SCHIP1: variants seen among roughly 807,000 people sequenced by gnomAD.
SCHIP1 encodes the protein schwannomin-interacting protein 1.
A neutral mutation model predicts 29.7 loss-of-function variants in SCHIP1; 8 were observed. That is an observed-to-expected ratio of 0.27 (90% CI 0.16 to 0.49). The LOEUF (loss-of-function observed/expected upper bound fraction) is 0.49. Among genes scored for constraint, SCHIP1 ranks in the 20% least tolerant of loss-of-function variants. SCHIP1 has a pLI of 0.99. For missense variants in SCHIP1, 193 were observed against 294.6 expected (o/e 0.66, Z 2.52); for synonymous variants, 76 against 94.9 (o/e 0.80, Z 1.16).
chr3:159,821,130 C>T, the SCHIP1 span, among the ~76,000 whole-genome samples: 10 of 152,192 alleles, frequency 6.6e-5, no homozygotes, highest in East Asian at 1.9e-4. Context: ...CAGAGGAGAA[C>T]GTTGTCTTAG....
chr3:159,762,928 T>C, the SCHIP1 span, among the ~76,000 whole-genome samples: 1 of 152,090 alleles, frequency 6.6e-6, no homozygotes, highest in Admixed American at 6.5e-5. Context: ...AAGGTCCCCT[T>C]GATTGGAGGT....
the SCHIP1 span, among the ~76,000 whole-genome samples, chr3:159,538,546 C>T: frequency 2.0e-5 from 3 of 152,082 alleles, no homozygotes; most frequent in Non-Finnish European, 4.4e-5. Context: ...TGCATAATAC[C>T]TTGCATTAGC....
chr3:159,392,490 T>TTCCTGC, the SCHIP1 span, among the ~76,000 whole-genome samples: 1 of 130,976 alleles, frequency 7.6e-6, no homozygotes. Context: ...GGCCCCAGAG[T>TTCCTGC]GTGTTCCCCT....
At chr3:159,335,389 T>G in the SCHIP1 span, among the ~76,000 whole-genome samples, 1 of 152,240 alleles carries the variant, frequency 6.6e-6, no homozygotes, top group East Asian at 1.9e-4. Flanking sequence ...ATGTGCACAA[T>G]GCACAGGTTA....
the SCHIP1 span, among the ~76,000 whole-genome samples, chr3:159,281,772 G>A: frequency 1.3e-5 from 2 of 151,908 alleles, no homozygotes; most frequent in Non-Finnish European, 2.9e-5. Flanking sequence ...TTATAGCAAT[G>A]CCTATTCATT....
chr3:159,415,295 TTTTG>T, the SCHIP1 span, among the ~76,000 whole-genome samples: 5 of 152,312 alleles, frequency 3.3e-5, no homozygotes, highest in South Asian at 2.1e-4. Flanking sequence ...TTGCTGGATA[TTTTG>T]TTTAACTTTT....
At chr3:159,569,276 TCATTTA>T in the SCHIP1 span, among the ~76,000 whole-genome samples, 1 of 152,176 alleles carries the variant, frequency 6.6e-6, no homozygotes, top group Non-Finnish European at 1.5e-5. Context: ...CATCAATTCA[TCATTTA>T]CATTAAGTAT....
At chr3:159,519,174 A>AT in the SCHIP1 span, among the ~76,000 whole-genome samples, 1 of 152,266 alleles carries the variant, frequency 6.6e-6, no homozygotes, top group East Asian at 1.9e-4. Flanking sequence ...TTAAAAAAAA[A>AT]TTTTAACATA....
At chr3:159,480,918 G>C in the SCHIP1 span, among the ~76,000 whole-genome samples, 1 of 152,110 alleles carries the variant, frequency 6.6e-6, no homozygotes, top group Non-Finnish European at 1.5e-5. Flanking sequence ...GATAGGGGTG[G>C]AGCTGTTTTA....
At chr3:159,871,359 T>TG (rs530337191) in intron 2 of SCHIP1, among the ~76,000 whole-genome samples, 57 of 8,558 alleles carry the variant, frequency 6.7e-3, no homozygotes, top group East Asian at 0.033. Context: ...ATTTGTTTGT[T>TG]GGGGGGGGTG....
the SCHIP1 span, among the ~76,000 whole-genome samples, chr3:159,787,154 C>T: frequency 6.6e-6 from 1 of 152,202 alleles, no homozygotes; most frequent in Non-Finnish European, 1.5e-5. Context: ...GTAACTTCCA[C>T]ATAGCTGGTA....
the SCHIP1 span, among the ~76,000 whole-genome samples, chr3:159,338,417 G>A: frequency 6.6e-6 from 1 of 152,150 alleles, no homozygotes; most frequent in Non-Finnish European, 1.5e-5. Flanking sequence ...GTGAAGAGCG[G>A]TAAAGTGCCA....
the SCHIP1 span, among the ~76,000 whole-genome samples, chr3:159,503,556 G>T: frequency 6.6e-6 from 1 of 152,124 alleles, no homozygotes; most frequent in African/African-American, 2.4e-5. Context: ...GATCTCCTTG[G>T]TCTCCTGGAC....
At chr3:159,570,218 C>CA in the SCHIP1 span, among the ~76,000 whole-genome samples, 1 of 152,150 alleles carries the variant, frequency 6.6e-6, no homozygotes, top group Admixed American at 6.6e-5. Context: ...AGTCCTTGCC[C>CA]ATGCCTATGT....
At chr3:159,360,155 C>G in the SCHIP1 span, among the ~76,000 whole-genome samples, 1 of 152,138 alleles carries the variant, frequency 6.6e-6, no homozygotes, top group Non-Finnish European at 1.5e-5. Flanking sequence ...TCATAAGGAG[C>G]CCAGGGACCA....
chr3:159,531,696 C>T, the SCHIP1 span, among the ~76,000 whole-genome samples: 3 of 152,200 alleles, frequency 2.0e-5, no homozygotes, highest in Non-Finnish European at 2.9e-5. Flanking sequence ...ACAGTATTAT[C>T]CTTGCCTAAG....
chr3:159,801,642 C>G, the SCHIP1 span, among the ~76,000 whole-genome samples: 2 of 151,982 alleles, frequency 1.3e-5, no homozygotes, highest in Non-Finnish European at 2.9e-5. Flanking sequence ...AAAAATTAAC[C>G]TCCTGTTATA....
chr3:159,771,583 C>G, the SCHIP1 span, among the ~76,000 whole-genome samples: 23 of 151,928 alleles, frequency 1.5e-4, no homozygotes, highest in Admixed American at 1.3e-3. Flanking sequence ...AAGTTCTTTG[C>G]CTACTTTCCT....
chr3:159,609,404 A>T, the SCHIP1 span, among the ~76,000 whole-genome samples: 1 of 152,206 alleles, frequency 6.6e-6, no homozygotes, highest in Non-Finnish European at 1.5e-5. Context: ...ATGTCACTTT[A>T]TGTCTCAGCT....
Sources: allele counts gnomAD v4.1 joint callset (sites outside exome capture counted in the v4.1 genomes callset), GRCh38; gene constraint gnomAD v4.1.1; transcripts MANE v1.5; gene names NCBI Gene and HGNC (gene_info 2026-07-23, HGNC 2026-07-21).